Variants in RSPH14 observed in about 807,000 individuals in gnomAD.
RSPH14 encodes the protein rhabdoid tumor deletion region gene 1.
RSPH14 carries 20 observed loss-of-function variants against 26.7 expected under a neutral mutation model. The observed-to-expected ratio is 0.75, with a 90% CI of 0.53 to 1.09. The LOEUF (loss-of-function observed/expected upper bound fraction) is 1.09, where lower values mean the gene tolerates loss of function less well. RSPH14 is among the 50% of genes least tolerant of loss of function. The pLI is 0.00. For synonymous variants in RSPH14, 177 were observed against 189.3 expected (o/e 0.93, Z 0.53); for missense variants, 449 against 457.2 (o/e 0.98, Z 0.16).
chr22:23,079,119 A>T (rs2146264731), intron 4 of RSPH14, among the ~76,000 whole-genome samples: 1 of 152,358 alleles, frequency 6.6e-6, no homozygotes, highest in South Asian at 2.1e-4. Flanking sequence ...ACAGACCAAC[A>T]GTCCCTGCCC....
At chr22:23,158,864 G>A in the RSPH14 span, 2 of 1,592,098 alleles carry the variant, frequency 1.3e-6, no homozygotes, top group African/African-American at 1.3e-5. Flanking sequence ...TGGGAGGATG[G>A]GTGAATCTCT....
At chr22:23,153,468 A>T in the RSPH14 span, 1 of 651,078 alleles carries the variant, frequency 1.5e-6, no homozygotes, top group Non-Finnish European at 1.9e-6. Flanking sequence ...CCCACTCACC[A>T]GGCCAGCAGG....
chr22:23,064,241 T>G (rs2146213512), intron 4 of RSPH14, 108 bp from the exon 5 acceptor site: 3 of 1,026,206 alleles, frequency 2.9e-6, no homozygotes, highest in Non-Finnish European at 4.4e-6. Flanking sequence ...GTGGGTGGGT[T>G]TGACAAAAGG....
chr22:23,092,632 G>A (rs2069014630), intron 4 of RSPH14, among the ~76,000 whole-genome samples: 1 of 152,116 alleles, frequency 6.6e-6, no homozygotes, highest in Non-Finnish European at 1.5e-5. Flanking sequence ...CACACTGATC[G>A]AAGACTGCAT....
chr22:23,086,317 T>C (rs569545062), intron 4 of RSPH14, among the ~76,000 whole-genome samples: 92 of 152,302 alleles, frequency 6.0e-4, no homozygotes, highest in South Asian at 1.7e-3. Context: ...CCTCCATCTT[T>C]GCGCTTTGAT....
chr22:23,065,775 C>A (rs2068197224), intron 4 of RSPH14, among the ~76,000 whole-genome samples: 1 of 152,130 alleles, frequency 6.6e-6, no homozygotes, highest in South Asian at 2.1e-4. Flanking sequence ...TGGCAAGAGT[C>A]TCCTGAATTC....
intron 4 of RSPH14, among the ~76,000 whole-genome samples, chr22:23,090,989 G>T (rs760928233): frequency 6.6e-6 from 1 of 152,158 alleles, no homozygotes; most frequent in Non-Finnish European, 1.5e-5. Flanking sequence ...TTCTGCCCCA[G>T]TCGCCTCAGC....
chr22:23,077,267 G>A (rs932201820), intron 4 of RSPH14, among the ~76,000 whole-genome samples: 4 of 152,152 alleles, frequency 2.6e-5, no homozygotes, highest in Non-Finnish European at 4.4e-5. Context: ...ACTGGCCTCC[G>A]TCTTCCTGAG....
At chr22:23,070,162 G>A (rs1243568041) in intron 4 of RSPH14, among the ~76,000 whole-genome samples, 1 of 151,964 alleles carries the variant, frequency 6.6e-6, no homozygotes, top group Non-Finnish European at 1.5e-5. Context: ...TTGGGCTACT[G>A]GCCCGTCCGT....
the RSPH14 span, among the ~76,000 whole-genome samples, chr22:23,179,080 C>T: frequency 2.6e-5 from 4 of 152,198 alleles, no homozygotes; most frequent in Admixed American, 6.5e-5. Flanking sequence ...AGCCAGGAGT[C>T]GGCAGGAAGC....
At chr22:23,124,475 C>T (rs2070122764) in intron 4 of RSPH14, 1 of 417,948 alleles carries the variant, frequency 2.4e-6, no homozygotes, top group Non-Finnish European at 5.1e-6. Flanking sequence ...TCTGCAGTGT[C>T]CTCTTGTTAA....
the RSPH14 span, among the ~76,000 whole-genome samples, chr22:23,152,831 C>T: frequency 1.1e-4 from 17 of 152,246 alleles, no homozygotes; most frequent in Admixed American, 3.3e-4. Flanking sequence ...TTCTAACTCA[C>T]AGCTTGCCTT....
chr22:23,063,715 C>T (rs917995541), intron 5 of RSPH14, among the ~76,000 whole-genome samples, 187 bp downstream of exon 5: 10 of 152,016 alleles, frequency 6.6e-5, no homozygotes, highest in African/African-American at 2.4e-4. Flanking sequence ...ACAGTACACT[C>T]CCAGGCCAAC....
At chr22:23,179,994 C>T in the RSPH14 span, 1 of 340,378 alleles carries the variant, frequency 2.9e-6, no homozygotes, top group Non-Finnish European at 5.4e-6. Context: ...CGATGGTGGC[C>T]TCTGACACGA....
chr22:23,113,575 T>A (rs1254810876), intron 4 of RSPH14, among the ~76,000 whole-genome samples: 1 of 152,272 alleles, frequency 6.6e-6, no homozygotes, highest in Non-Finnish European at 1.5e-5. Context: ...CCTTTGCGAC[T>A]GATACCATCC....
intron 4 of RSPH14, among the ~76,000 whole-genome samples, chr22:23,130,145 AAGAAAGAAAGAAAG>A (rs2070311912): frequency 1.2e-4 from 15 of 121,936 alleles, no homozygotes; most frequent in African/African-American, 3.7e-4. Flanking sequence ...GAAAGAAAGA[AAGAAAGAAAGAAAG>A]AAAAAGAAAA....
At chr22:23,143,420 C>T (rs190858729), upstream of RSPH14, among the ~76,000 whole-genome samples, 81 of 152,204 alleles carry the variant, frequency 5.3e-4, no homozygotes, top group African/African-American at 1.7e-3. Flanking sequence ...CCTCTAGGAG[C>T]GGTACCCTCA....
At chr22:23,172,932 A>G in the RSPH14 span, among the ~76,000 whole-genome samples, 1 of 151,716 alleles carries the variant, frequency 6.6e-6, no homozygotes, top group Non-Finnish European at 1.5e-5. Context: ...CCTGGGGTAC[A>G]GAACGAGACT....
At chr22:23,171,313 G>A in the RSPH14 span, among the ~76,000 whole-genome samples, 24 of 151,984 alleles carry the variant, frequency 1.6e-4, no homozygotes, top group African/African-American at 5.8e-4. Context: ...AAACCTGATG[G>A]TCATCATGTT....
Sources: allele counts gnomAD v4.1 joint callset (sites outside exome capture counted in the v4.1 genomes callset), GRCh38; gene constraint gnomAD v4.1.1; transcripts MANE v1.5; gene names NCBI Gene and HGNC (gene_info 2026-07-23, HGNC 2026-07-21).